Variants in CCDC178 observed in about 807,000 individuals in gnomAD.
The protein encoded by CCDC178 is coiled-coil domain containing 178.
CCDC178 carries 126 observed loss-of-function variants against 117.4 expected under a neutral mutation model. The ratio of observed to expected loss-of-function variants is 1.07; its 90% CI spans 0.93 to 1.24. CCDC178 has a LOEUF of 1.24. Ranked by LOEUF, CCDC178 falls within the 50% of genes most tolerant of loss-of-function variation. CCDC178 has a pLI of 0.00. For synonymous variants in CCDC178, 283 were observed against 313.4 expected (o/e 0.90, Z 1.02); for missense variants, 1,030 against 986.9 (o/e 1.04, Z -0.59).
intron 21 of CCDC178, among the ~76,000 whole-genome samples, chr18:33,091,324 CTTTTTTTTTTTTTTTT>C (rs746505005): frequency 4.6e-5 from 2 of 43,882 alleles, no homozygotes; most frequent in South Asian, 1.6e-3. Context: ...TTATTTCATT[CTTTTTTTTTTTTTTTT>C]TTTTTTTTTT....
intron 14 of CCDC178, 62 bp downstream of exon 14, chr18:33,266,854 G>A: frequency 2.2e-6 from 3 of 1,371,936 alleles, no homozygotes; most frequent in Non-Finnish European, 2.0e-6. Flanking sequence ...AAACTGGAGA[G>A]GTTTATTGTA....
intron 4 of CCDC178, among the ~76,000 whole-genome samples, chr18:33,391,099 A>G (rs1484330226): frequency 6.6e-6 from 1 of 151,288 alleles, no homozygotes; most frequent in African/African-American, 2.4e-5. Context: ...AAATGACTAA[A>G]TTTACCCAAA....
At chr18:33,382,540 A>C (rs1341911945) in intron 5 of CCDC178, among the ~76,000 whole-genome samples, 1 of 152,160 alleles carries the variant, frequency 6.6e-6, no homozygotes, top group East Asian at 1.9e-4. Context: ...ACGGACAGTG[A>C]GCAGAAGCAG....
At chr18:33,150,918 T>C (rs1004109756) in intron 20 of CCDC178, among the ~76,000 whole-genome samples, 1 of 152,140 alleles carries the variant, frequency 6.6e-6, no homozygotes, top group African/African-American at 2.4e-5. Flanking sequence ...TACTCGGGCA[T>C]AAATAGGAAT....
chr18:33,427,835 C>G (rs906793873), intron 2 of CCDC178, among the ~76,000 whole-genome samples: 1 of 152,144 alleles, frequency 6.6e-6, no homozygotes, highest in Non-Finnish European at 1.5e-5. Context: ...TTCAAATCAG[C>G]CTTCACGATG....
At chr18:33,350,330 T>A (rs2062958757) in intron 7 of CCDC178, among the ~76,000 whole-genome samples, 2 of 152,028 alleles carry the variant, frequency 1.3e-5, no homozygotes, top group African/African-American at 4.8e-5. Context: ...AGTGGAAACT[T>A]TAGTGGCATT....
At chr18:33,034,116 T>A (rs1397976065) in intron 21 of CCDC178, among the ~76,000 whole-genome samples, 1 of 151,972 alleles carries the variant, frequency 6.6e-6, no homozygotes, top group African/African-American at 2.4e-5. Flanking sequence ...CTTGGAGTCA[T>A]CCTAGGCTCC....
At chr18:33,252,418 G>T (rs1038430812) in intron 14 of CCDC178, among the ~76,000 whole-genome samples, 3 of 151,688 alleles carry the variant, frequency 2.0e-5, no homozygotes, top group Admixed American at 2.0e-4. Context: ...AATTTTAGAT[G>T]ATGTATATAT....
chr18:33,438,540 GCAAA>G (rs2064324937), intron 2 of CCDC178, among the ~76,000 whole-genome samples: 1 of 144,316 alleles, frequency 6.9e-6, no homozygotes, highest in Non-Finnish European at 1.5e-5. Context: ...CACACACACG[GCAAA>G]CACACACACA....
At chr18:33,253,444 G>T (rs1392849227) in intron 14 of CCDC178, among the ~76,000 whole-genome samples, 1 of 151,822 alleles carries the variant, frequency 6.6e-6, no homozygotes, top group African/African-American at 2.4e-5. Flanking sequence ...ATATTCACTA[G>T]ACTTATGAAA....
chr18:33,338,652 A>C (rs1385829905), intron 9 of CCDC178, among the ~76,000 whole-genome samples: 1 of 152,134 alleles, frequency 6.6e-6, no homozygotes, highest in Non-Finnish European at 1.5e-5. Flanking sequence ...AGGAATAGAA[A>C]ACCAAATATC....
At chr18:32,951,949 A>T (rs933391789) in intron 22 of CCDC178, among the ~76,000 whole-genome samples, 1 of 152,196 alleles carries the variant, frequency 6.6e-6, no homozygotes, top group Non-Finnish European at 1.5e-5. Context: ...ATTAAACCTT[A>T]AAGTTTCAAA....
intron 20 of CCDC178, among the ~76,000 whole-genome samples, chr18:33,193,264 CAAAAAAAAAAAA>C (rs59092607): frequency 2.6e-5 from 2 of 77,152 alleles, no homozygotes; most frequent in East Asian, 4.6e-4. Context: ...CTCCGTCTCA[CAAAAAAAAAAAA>C]AAAAAAAAAA....
At chr18:33,268,314 A>G (rs2059844611) in intron 12 of CCDC178, among the ~76,000 whole-genome samples, 1 of 151,944 alleles carries the variant, frequency 6.6e-6, no homozygotes, top group Non-Finnish European at 1.5e-5. Flanking sequence ...ATTAAAGGCC[A>G]GAAATAAATC....
chr18:33,195,825 C>T (rs1356032245), intron 20 of CCDC178, among the ~76,000 whole-genome samples: 3 of 152,192 alleles, frequency 2.0e-5, no homozygotes, highest in Non-Finnish European at 2.9e-5. Flanking sequence ...CTTTCCCCTA[C>T]TGGAAATGTA....
chr18:33,285,166 A>G (rs1466260024), intron 12 of CCDC178, among the ~76,000 whole-genome samples: 1 of 152,126 alleles, frequency 6.6e-6, no homozygotes, highest in African/African-American at 2.4e-5. Flanking sequence ...ATTAGAAATA[A>G]CATAACAGCA....
intron 21 of CCDC178, among the ~76,000 whole-genome samples, chr18:33,051,646 C>T (rs534410888): frequency 5.6e-4 from 86 of 152,300 alleles, no homozygotes; most frequent in Middle Eastern, 6.8e-3. Context: ...GTGCCCAAAG[C>T]GGTGAGCAAA....
chr18:33,146,763 G>C (rs1312393848), intron 20 of CCDC178, among the ~76,000 whole-genome samples: 1 of 152,170 alleles, frequency 6.6e-6, no homozygotes, highest in African/African-American at 2.4e-5. Context: ...CTTAAATATA[G>C]AGAAGCATAA....
intron 20 of CCDC178, among the ~76,000 whole-genome samples, chr18:33,112,646 T>C (rs2057800796): frequency 6.6e-6 from 1 of 151,922 alleles, no homozygotes. Context: ...ACCAGTTATC[T>C]ACTGCAAGTT....
Sources: allele counts gnomAD v4.1 joint callset (sites outside exome capture counted in the v4.1 genomes callset), GRCh38; gene constraint gnomAD v4.1.1; transcripts MANE v1.5; gene names NCBI Gene and HGNC (gene_info 2026-07-23, HGNC 2026-07-21).